The following SLIT2 variants were observed in gnomAD, a reference collection of about 807,000 sequenced individuals.
SLIT2 encodes the protein slit guidance ligand 2.
Under a neutral mutation model 185.7 loss-of-function variants are expected in SLIT2, and 41 were observed. The ratio of observed to expected loss-of-function variants is 0.22; its 90% confidence interval spans 0.17 to 0.29. The LOEUF (loss-of-function observed/expected upper bound fraction) is 0.29. Among genes scored for constraint, SLIT2 ranks in the 10% least tolerant of loss-of-function variants. The pLI, the probability that SLIT2 is intolerant of heterozygous loss-of-function variation, is 1.00. For missense variants in SLIT2, 1,571 were observed against 1,909.0 expected, an observed-to-expected ratio of 0.82 and a Z score of 3.30; for synonymous variants, 693 against 680.2, an observed-to-expected ratio of 1.02 and a Z score of -0.29.
rs143652739 is a variant in SLIT2, at chr4:20,370,425, T to C, written c.396-97327T>C. On this transcript the variant is annotated intron_variant, in intron 4 of 36. Coordinates refer to ENST00000504154, the MANE Select transcript of SLIT2 (RefSeq NM_004787.4). ...GGAAGTGCTCTTAAGGAGAAACATC[T>C]GGTGCTTTTGAATAAATGCTCTTCT... 1.6e-3 allele frequency among the ~76,000 whole-genome samples: 237 copies of C among 152,280 alleles called. 1 individual carries two copies. Among genetic ancestry groups the C allele is most frequent in the South Asian group, 0.014 (70 of 4,832 alleles).
chr4:20,449,210 A>G (rs1433786717), intron 4 of SLIT2, among the ~76,000 whole-genome samples: 1 of 152,182 alleles, frequency 6.6e-6, no homozygotes, highest in Non-Finnish European at 1.5e-5. Context: ...ACTGGAAGAA[A>G]TCCAGGTAGG....
At chr4:20,526,103 C>T (rs1199200355) in intron 15 of SLIT2, among the ~76,000 whole-genome samples, 3 of 152,092 alleles carry the variant, frequency 2.0e-5, no homozygotes, top group African/African-American at 7.2e-5. Flanking sequence ...ATTTTAAGAG[C>T]TATAGATTAA....
At chr4:20,454,455 A>G (rs984866801) in intron 4 of SLIT2, among the ~76,000 whole-genome samples, 1 of 152,190 alleles carries the variant, frequency 6.6e-6, no homozygotes, top group Non-Finnish European at 1.5e-5. Context: ...ACAAGTTGGC[A>G]TACTCATTTA....
At chr4:20,449,369 T>C (rs1186003689) in intron 4 of SLIT2, among the ~76,000 whole-genome samples, 2 of 152,180 alleles carry the variant, frequency 1.3e-5, no homozygotes, top group African/African-American at 2.4e-5. Flanking sequence ...TTCTATTCCA[T>C]TGTTGTTTAA....
At chr4:20,507,036 G>A (rs1719271070) in intron 9 of SLIT2, among the ~76,000 whole-genome samples, 1 of 151,982 alleles carries the variant, frequency 6.6e-6, no homozygotes, top group Non-Finnish European at 1.5e-5. Context: ...TGTGGTACAT[G>A]TAAATGCAAT....
intron 4 of SLIT2, among the ~76,000 whole-genome samples, chr4:20,421,517 C>T (rs927174311): frequency 2.6e-5 from 4 of 152,072 alleles, no homozygotes; most frequent in African/African-American, 4.8e-5. Context: ...TTAAATTTAA[C>T]GATAAACTTT....
Position 20,596,675 on chromosome 4 carries a change from G to A in SLIT2, c.3561+20G>A. 1.3e-6 allele frequency: 2 copies of A among 1,599,788 alleles called. No individual in the cohort carries two copies. Among genetic ancestry groups the A allele is most frequent in the African/African-American group, 1.3e-5 (1 of 74,668 alleles). On this transcript the variant is annotated intron_variant, in intron 32 of 36. Transcript: ENST00000504154. ...CTTCAGGTAAGAGATCTCTCTCTAT[G>A]GAGAGATGATCGGATCTTAAAATTC...
chr4:20,476,634 A>C (rs1460535658), intron 5 of SLIT2, among the ~76,000 whole-genome samples: 1 of 152,144 alleles, frequency 6.6e-6, no homozygotes, highest in Admixed American at 6.5e-5. Context: ...ATTAGTTATA[A>C]GAACTTATAA....
intron 4 of SLIT2, among the ~76,000 whole-genome samples, chr4:20,303,439 A>G (rs1171648479): frequency 6.6e-6 from 1 of 152,200 alleles, no homozygotes; most frequent in Non-Finnish European, 1.5e-5. Flanking sequence ...TCTTAAAGCT[A>G]ATATGGAATT....
At position 20,252,832 on chromosome 4, in the gene SLIT2, C is replaced by T. The variant is rs1256659059; in HGVS notation, c.-984C>T. Among the ~76,000 whole-genome samples the T allele has an allele frequency of 1.3e-5, 2 of 152,192 alleles. No homozygotes were observed. Among genetic ancestry groups the T allele is most frequent in the East Asian group, 1.9e-4 (1 of 5,166 alleles). ...TGACACCTCCAACCTTGGCCTTTGC[C>T]TTTCCACTCCTTCCGGTCTGCCTGG... On this transcript the variant is annotated 5_prime_UTR_variant, in exon 1 of 37. Transcript: ENST00000504154.
intron 4 of SLIT2, among the ~76,000 whole-genome samples, chr4:20,294,486 G>A (rs138147516): frequency 1.7e-3 from 266 of 152,236 alleles, no homozygotes; most frequent in African/African-American, 5.9e-3. Flanking sequence ...TGAAATCACT[G>A]GAGTAAATGT....
chr4:20,614,549 G>A (rs781174739), intron 34 of SLIT2, among the ~76,000 whole-genome samples: 6 of 151,820 alleles, frequency 4.0e-5, no homozygotes, highest in African/African-American at 9.7e-5. Flanking sequence ...AGGCTGAGGC[G>A]GGTGGATCAC....
intron 4 of SLIT2, among the ~76,000 whole-genome samples, chr4:20,308,153 A>G (rs55643621): frequency 6.6e-6 from 1 of 152,084 alleles, no homozygotes; most frequent in African/African-American, 2.4e-5. Context: ...GGACTTGGGA[A>G]GTGATGGGGC....
At chr4:20,546,508 A>T (rs1217979343) in intron 22 of SLIT2, among the ~76,000 whole-genome samples, 1 of 152,124 alleles carries the variant, frequency 6.6e-6, no homozygotes, top group Admixed American at 6.6e-5. Context: ...ATGTAAATGT[A>T]GTTTATTATG....
At chr4:20,570,159 C>A (rs894998677) in intron 29 of SLIT2, among the ~76,000 whole-genome samples, 7 of 151,916 alleles carry the variant, frequency 4.6e-5, no homozygotes, top group Middle Eastern at 6.8e-3. Context: ...TTTTTTGGCA[C>A]CAATAAAGCA....
At chr4:20,533,882 A>G (rs562702186) in intron 18 of SLIT2, among the ~76,000 whole-genome samples, 167 bp downstream of exon 18, 7 of 133,552 alleles carry the variant, frequency 5.2e-5, no homozygotes, top group African/African-American at 2.4e-4. Context: ...ACACACATGT[A>G]TTGTGAATTC....
chr4:20,261,523 T>G (rs1430780154), intron 3 of SLIT2, among the ~76,000 whole-genome samples: 1 of 151,828 alleles, frequency 6.6e-6, no homozygotes, highest in Admixed American at 6.6e-5. Context: ...TCACACACTG[T>G]TTATGGGATT....
At chr4:20,301,902 T>C (rs960406710) in intron 4 of SLIT2, among the ~76,000 whole-genome samples, 2 of 152,196 alleles carry the variant, frequency 1.3e-5, no homozygotes, top group African/African-American at 4.8e-5. Context: ...CTCAATCATT[T>C]TTTGGTGCAA....
intron 5 of SLIT2, among the ~76,000 whole-genome samples, chr4:20,472,502 C>CTATAGA (rs1715484141): frequency 9.7e-5 from 1 of 10,278 alleles, no homozygotes; most frequent in Non-Finnish European, 1.4e-4. Flanking sequence ...AGATATATAT[C>CTATAGA]TATATATAGA....
Sources: gnomAD v4.1 joint callset for allele counts (sites outside exome capture counted in the v4.1 genomes callset) on GRCh38, gnomAD v4.1.1 for gene constraint, MANE v1.5 for transcripts, NCBI Gene and HGNC (gene_info 2026-07-23, HGNC 2026-07-21) for gene names.